EFEMP1: variants seen among roughly 807,000 people sequenced by gnomAD.
The protein encoded by EFEMP1 is EGF-like fibulin extracellular matrix protein 1, also known as EGF-containing fibulin-like extracellular matrix protein 1.
Under a neutral mutation model 65.7 loss-of-function variants are expected in EFEMP1, and 18 were observed. The ratio of observed to expected loss-of-function variants is 0.27; its 90% CI spans 0.19 to 0.41. The LOEUF (loss-of-function observed/expected upper bound fraction) is 0.41. EFEMP1 is among the 10% of genes least tolerant of loss of function. The probability of loss-of-function intolerance (pLI) is 1.00; values close to 1 mark genes in which losing one functional copy is unlikely to be tolerated. For synonymous variants in EFEMP1, 237 were observed against 219.7 expected (o/e 1.08, Z -0.70); for missense variants, 469 against 624.8 (o/e 0.75, Z 2.66).
At chr2:55,876,884 C>T (rs571619571) in intron 7 of EFEMP1, 142 bp from the exon 8 acceptor site, 28 of 401,376 alleles carry the variant, frequency 7.0e-5, no homozygotes, top group Non-Finnish European at 1.0e-4. Flanking sequence ...GAATTATTTG[C>T]CCTGCAGAAG....
intron 8 of EFEMP1, 42 bp from the exon 9 acceptor site, chr2:55,875,107 T>A: frequency 6.6e-7 from 1 of 1,511,930 alleles, no homozygotes; most frequent in East Asian, 2.6e-5. Context: ...GTTGAAAAGT[T>A]TGTGCACCAC....
chr2:55,893,926 G>A (rs1299582121), intron 5 of EFEMP1, among the ~76,000 whole-genome samples: 1 of 152,142 alleles, frequency 6.6e-6, no homozygotes, highest in Non-Finnish European at 1.5e-5. Flanking sequence ...CAGATGAATG[G>A]ATACAAGAAC....
rs760508439 is a variant in EFEMP1 at position 55,877,911 on chromosome 2, A to G, written c.641-46T>C. The G allele has an allele frequency of 6.2e-7, 1 of 1,608,188 alleles. No homozygotes were observed. Among genetic ancestry groups the G allele is most frequent in the Non-Finnish European group, 8.5e-7 (1 of 1,175,734 alleles). On this transcript the variant is annotated intron_variant, in intron 6 of 11. Coordinates refer to ENST00000355426, the MANE Select transcript of EFEMP1 (RefSeq NM_001039348.3). The surrounding 1 kb of genome is among the most constrained non-coding windows in gnomAD (Gnocchi z 4.5). ...ACAAAGAGAACCAAATTATTGAATT[A>G]GCATTCTCTGAAAAGCATTATCTAG...
At position 55,867,156 on chromosome 2, in the gene EFEMP1, T is replaced by A; in HGVS notation, c.1399A>T (p.Met467Leu). The A allele has an allele frequency of 1.2e-6, 2 of 1,613,934 alleles. No individual in the cohort carries two copies. The highest frequency in any genetic ancestry group is 8.5e-7 in the Non-Finnish European group (1 of 1,179,930). The change falls in exon 12 of 12, where the codon ATG (methionine) becomes TTG (leucine). Residue 467 changes from methionine to leucine, a missense_variant. Transcript: ENST00000355426. The surrounding 1 kb of genome is among the most constrained non-coding windows in gnomAD (Gnocchi z 4.3). ...GPREHIVDLE[M>L]LTVSSIGTFR... ...GTCCCTATACTGCTGACTGTCAGCA[T>A]CTCCAGGTCCACGATATGTTCTCTT...
At chr2:55,868,295 T>C (rs777770017) in intron 11 of EFEMP1, among the ~76,000 whole-genome samples, 1 of 152,192 alleles carries the variant, frequency 6.6e-6, no homozygotes, top group Admixed American at 6.5e-5. Flanking sequence ...CCAGGTACCA[T>C]TCTATGTGCT....
At position 55,870,913 on chromosome 2, in the gene EFEMP1, C is replaced by T. The variant is rs779233876; in HGVS notation, c.1127G>A (p.Arg376Gln). Residue 376 changes from arginine to glutamine, a missense_variant and splice_region_variant, in exon 11 of 12, where the codon CGA becomes CAA. Physicochemically the swap from Arg to Gln is conservative, Grantham distance 43. This residue lies in a region of EFEMP1 where 399 missense variants were observed against 528.2 expected (regional missense o/e 0.76). Transcript: ENST00000355426. The surrounding 1 kb of genome is among the most constrained non-coding windows in gnomAD (Gnocchi z 5.8). ...QDPYILTPEN[R>Q]CVCPVSNAMC... ...GGCATTTGAGACTGGGCAAACACAT[C>T]GGCTGCAGAGACAAACAAAAGTATT... is the stretch of plus-strand genomic sequence containing the variant. 1.2e-6 allele frequency: 2 copies of T among 1,613,582 alleles called. No individual in the cohort carries two copies. Among genetic ancestry groups the T allele is most frequent in the African/African-American group, 2.7e-5 (2 of 74,882 alleles).
In EFEMP1 at chr2:55,871,173, T is replaced by A; in HGVS notation, c.1001-50A>T. 1 of 1,610,654 alleles carries A rather than the reference T, an allele frequency of 6.2e-7. No individual in the cohort carries two copies. Among genetic ancestry groups the A allele is most frequent in the South Asian group, 1.1e-5 (1 of 91,034 alleles). On this transcript the variant is annotated intron_variant, in intron 9 of 11. Transcript: ENST00000355426. The surrounding 1 kb of genome is among the most constrained non-coding windows in gnomAD (Gnocchi z 4.2). ...TTTACTAACTAAACTAATGAACTGA[T>A]CTAATTAAATCATATAACTGGCAGA...
Position 55,922,928 on chromosome 2 carries a change from C to T in EFEMP1, c.-37G>A. 3 of 1,035,702 alleles carry T rather than the reference C, an allele frequency of 2.9e-6. No homozygotes were observed. The highest frequency in any genetic ancestry group is 3.5e-6 in the Non-Finnish European group (3 of 859,828). The allele number at this position is 1,035,702 out of a possible 1,614,324, so 64.2% of individuals were successfully genotyped here. A position where few individuals can be genotyped will look rare whatever the true frequency, so the allele number is the denominator to read the frequency against. On this transcript the variant is annotated 5_prime_UTR_variant, in exon 2 of 12. In the 5' UTR this introduces an upstream ATG that the reference lacks. Coordinates refer to ENST00000355426, the MANE Select transcript of EFEMP1 (RefSeq NM_001039348.3). The surrounding 1 kb of genome is among the most constrained non-coding windows in gnomAD (Gnocchi z 5.5). ...AGCTAGCAGAGTTCCTTGCACAGCA[C>T]AGCAAAAATACCTGTGAGCCAATAT... is the stretch of plus-strand genomic sequence containing the variant.
chr2:55,892,804 T>TA (rs953438252), intron 5 of EFEMP1, among the ~76,000 whole-genome samples: 14 of 152,110 alleles, frequency 9.2e-5, no homozygotes, highest in African/African-American at 2.4e-5. Context: ...AAGTCAATCT[T>TA]AAAGAGAATT....
Position 55,883,677 on chromosome 2 carries a change from G to A in EFEMP1, c.518-1943C>T, listed in dbSNP as rs564852812. 7.2e-5 allele frequency among the ~76,000 whole-genome samples: 11 copies of A among 152,144 alleles called. No individual in the cohort carries two copies. In the South Asian group the frequency reaches 1.5e-3, roughly 20 times the overall value. On this transcript the variant is annotated intron_variant, in intron 5 of 11. Transcript: ENST00000355426. The surrounding 1 kb of genome is among the most constrained non-coding windows in gnomAD (Gnocchi z 4.5). ...TCTATCTGCAAACTGCCTCCACCCC[G>A]CTGCATTCCTACAACTGATGCCCTA...
chr2:55,887,409 A>G (rs1669461996), intron 5 of EFEMP1, among the ~76,000 whole-genome samples: 2 of 152,178 alleles, frequency 1.3e-5, no homozygotes, highest in African/African-American at 2.4e-5. Context: ...AATAACATTC[A>G]TAGCTCTCCA....
At chr2:55,896,818 A>G (rs1305789358) in intron 5 of EFEMP1, among the ~76,000 whole-genome samples, 3 of 152,242 alleles carry the variant, frequency 2.0e-5, no homozygotes, top group African/African-American at 7.2e-5. Context: ...TTTTGTATAA[A>G]TGGAAGCTGA....
intron 5 of EFEMP1, among the ~76,000 whole-genome samples, chr2:55,905,915 A>G (rs1252997123): frequency 6.6e-6 from 1 of 152,194 alleles, no homozygotes; most frequent in Non-Finnish European, 1.5e-5. Flanking sequence ...CTGGAAACTA[A>G]TGCTCTGGCA....
intron 5 of EFEMP1, among the ~76,000 whole-genome samples, chr2:55,905,599 C>A (rs1670230021): frequency 6.6e-6 from 1 of 152,098 alleles, no homozygotes; most frequent in African/African-American, 2.4e-5. Flanking sequence ...CAGCCGCATG[C>A]CACCACCCCT....
In EFEMP1 at chr2:55,885,758, A is replaced by G. The variant is rs1052600248; in HGVS notation, c.518-4024T>C. 6.6e-6 allele frequency among the ~76,000 whole-genome samples: 1 copy of G among 152,056 alleles called. No homozygotes were observed. The highest frequency in any genetic ancestry group is 1.5e-5 in the Non-Finnish European group (1 of 68,012). ...GACCCCCACGTCTAGGGAACCGCAC[A>G]TTTGATTTTCTCTCAAAGTTAATGG... On this transcript the variant is annotated intron_variant, in intron 5 of 11. Coordinates refer to ENST00000355426, the MANE Select transcript of EFEMP1 (RefSeq NM_001039348.3). The surrounding 1 kb of genome is among the most constrained non-coding windows in gnomAD (Gnocchi z 4.3).
intron 5 of EFEMP1, among the ~76,000 whole-genome samples, chr2:55,882,878 A>G (rs886125256): frequency 1.5e-4 from 23 of 152,228 alleles, no homozygotes; most frequent in African/African-American, 4.8e-4. Flanking sequence ...ATGTTGGAAG[A>G]AAAAGTAGGG....
At chr2:55,918,690 T>C (rs1273646507) in intron 3 of EFEMP1, among the ~76,000 whole-genome samples, 1 of 134,732 alleles carries the variant, frequency 7.4e-6, no homozygotes, top group Non-Finnish European at 1.6e-5. Context: ...CCTGGACTCT[T>C]CTCTCTCTCT....
At chr2:55,900,364 C>T (rs536934919) in intron 5 of EFEMP1, among the ~76,000 whole-genome samples, 1 of 151,752 alleles carries the variant, frequency 6.6e-6, no homozygotes, top group Admixed American at 6.6e-5. Context: ...CCAGCCTTCC[C>T]GGGATGCTCC....
intron 5 of EFEMP1, among the ~76,000 whole-genome samples, chr2:55,890,612 A>G (rs1375832414): frequency 6.6e-6 from 1 of 152,130 alleles, no homozygotes; most frequent in Non-Finnish European, 1.5e-5. Flanking sequence ...TTCTCCAACT[A>G]CAATGCAAAT....
Sources: allele counts gnomAD v4.1 joint callset (sites outside exome capture counted in the v4.1 genomes callset), GRCh38; gene constraint gnomAD v4.1.1; regional missense constraint gnomAD v4.1.1; non-coding constraint Gnocchi (gnomAD v3.1); transcripts MANE v1.5; gene names NCBI Gene and HGNC (gene_info 2026-07-23, HGNC 2026-07-21).